PDE4D: variants seen among roughly 807,000 people sequenced by gnomAD.
The protein encoded by PDE4D is 3',5'-cyclic-AMP phosphodiesterase 4D.
Under a neutral mutation model 87.4 loss-of-function variants are expected in PDE4D, and 24 were observed. That is an observed-to-expected ratio of 0.27 (90% CI 0.20 to 0.39). The LOEUF (loss-of-function observed/expected upper bound fraction) is 0.39, where lower values mean the gene tolerates loss of function less well. PDE4D is among the 10% of genes least tolerant of loss of function. The pLI, the probability that PDE4D is intolerant of heterozygous loss-of-function variation, is 1.00. For missense variants in PDE4D, 714 were observed against 1,041.0 expected (o/e 0.69, Z 4.32); for synonymous variants, 384 against 383.2 (o/e 1.00, Z -0.02).
At chr5:60,444,045 T>G (rs969376380) in intron 1 of PDE4D, among the ~76,000 whole-genome samples, 2 of 150,416 alleles carry the variant, frequency 1.3e-5, no homozygotes, top group Non-Finnish European at 3.0e-5. Context: ...GTGTTAGGAC[T>G]CTGGTAGCTC....
At chr5:60,270,225 T>A (rs1050644595) in intron 1 of PDE4D, among the ~76,000 whole-genome samples, 2 of 152,186 alleles carry the variant, frequency 1.3e-5, no homozygotes, top group Admixed American at 1.3e-4. Flanking sequence ...ATGATCGAAC[T>A]GCTTCTTTTT....
chr5:59,297,106 A>G (rs912105569), intron 1 of PDE4D, among the ~76,000 whole-genome samples: 8 of 152,168 alleles, frequency 5.3e-5, no homozygotes, highest in African/African-American at 1.9e-4. Flanking sequence ...AGGGATCAAC[A>G]AAGATTGCAG....
chr5:59,199,990 GCATACATGCATGCAACATA>G (rs1337269144), intron 2 of PDE4D, among the ~76,000 whole-genome samples: 3 of 150,166 alleles, frequency 2.0e-5, no homozygotes, highest in African/African-American at 4.9e-5. Flanking sequence ...ATATACACAT[GCATACATGCATGCAACATA>G]CATACATGCA....
At position 59,702,077 on chromosome 5, in the gene PDE4D, C is replaced by T. The variant is rs143204507; in HGVS notation, c.455+191091G>A. Among the ~76,000 whole-genome samples the T allele has an allele frequency of 3.9e-5, 6 of 152,298 alleles. No homozygotes were observed. The East Asian group carries it at 1.2e-3, about 29-fold the overall frequency. ...AGAGGTTTTCATACATCAACAGCAA[C>T]ATCACCTGGAAACAATTTTTGATTA... On this transcript the variant is annotated intron_variant, in intron 1 of 14. Coordinates refer to ENST00000340635, the MANE Select transcript of PDE4D (RefSeq NM_001104631.2).
intron 1 of PDE4D, among the ~76,000 whole-genome samples, chr5:59,414,933 G>A (rs1247784209): frequency 6.6e-6 from 1 of 152,046 alleles, no homozygotes; most frequent in African/African-American, 2.4e-5. Context: ...TGGAAGTGAC[G>A]GGCAGTGAAG....
chr5:59,082,957 A>G (rs1767032624), intron 5 of PDE4D, among the ~76,000 whole-genome samples: 3 of 152,128 alleles, frequency 2.0e-5, no homozygotes, highest in African/African-American at 4.8e-5. Flanking sequence ...GTTGGTTCCA[A>G]TGCTCTTTGT....
At chr5:59,802,736 A>G (rs1388512887) in intron 1 of PDE4D, among the ~76,000 whole-genome samples, 2 of 152,026 alleles carry the variant, frequency 1.3e-5, no homozygotes, top group East Asian at 3.9e-4. Context: ...AATTCATTTT[A>G]TCAGTATGTA....
At chr5:59,104,037 AG>A (rs34141079) in intron 5 of PDE4D, among the ~76,000 whole-genome samples, 15,789 of 152,240 alleles carry the variant, frequency 0.1, 1,011 homozygotes, top group Admixed American at 0.16. Flanking sequence ...TATATGTTCG[AG>A]ACTATATAGA....
chr5:59,612,240 T>TTTGTTC (rs60260462), intron 1 of PDE4D, among the ~76,000 whole-genome samples: 1 of 103,806 alleles, frequency 9.6e-6, no homozygotes, highest in Non-Finnish European at 2.2e-5. Flanking sequence ...CTGTTTTTTT[T>TTTGTTC]GTTTGTTTGT....
intron 1 of PDE4D, among the ~76,000 whole-genome samples, chr5:60,257,224 G>A (rs200104321): frequency 1.4e-4 from 1 of 7,150 alleles, no homozygotes; most frequent in East Asian, 4.9e-3. Context: ...GAAAGAAAGA[G>A]AAAGAAAGAA....
At chr5:59,715,112 G>C (rs1327526226) in intron 1 of PDE4D, among the ~76,000 whole-genome samples, 1 of 152,380 alleles carries the variant, frequency 6.6e-6, no homozygotes, top group East Asian at 1.9e-4. Flanking sequence ...AGCATGGCAG[G>C]ACAGGCTACA....
chr5:59,386,557 G>T (rs911487391), intron 1 of PDE4D, among the ~76,000 whole-genome samples: 5 of 151,610 alleles, frequency 3.3e-5, no homozygotes, highest in African/African-American at 1.2e-4. Flanking sequence ...GCTCATGTCT[G>T]CAATCCCAGG....
chr5:59,026,305 G>A (rs938502330), intron 6 of PDE4D, among the ~76,000 whole-genome samples: 2 of 152,162 alleles, frequency 1.3e-5, no homozygotes, highest in African/African-American at 4.8e-5. Context: ...GAGATTAAGT[G>A]AGAAATGCTC....
intron 1 of PDE4D, among the ~76,000 whole-genome samples, chr5:60,319,339 G>C (rs1262531240): frequency 6.6e-6 from 1 of 152,088 alleles, no homozygotes; most frequent in Non-Finnish European, 1.5e-5. Context: ...CCTCCATCAG[G>C]TCCTTTAAGG....
intron 1 of PDE4D, among the ~76,000 whole-genome samples, chr5:59,558,136 A>T (rs1283695686): frequency 6.6e-6 from 1 of 152,186 alleles, no homozygotes; most frequent in Non-Finnish European, 1.5e-5. Context: ...CATCTACTAT[A>T]TATTAAGTGC....
intron 1 of PDE4D, among the ~76,000 whole-genome samples, chr5:59,678,154 T>C (rs1158193767): frequency 1.3e-5 from 2 of 152,224 alleles, no homozygotes; most frequent in African/African-American, 4.8e-5. Context: ...AAAAATGTCT[T>C]GGCTTGCTTT....
intron 3 of PDE4D, among the ~76,000 whole-genome samples, chr5:59,962,051 T>G (rs1759529306): frequency 6.6e-6 from 1 of 151,858 alleles, no homozygotes; most frequent in Non-Finnish European, 1.5e-5. Context: ...TTATCCTTAA[T>G]TTTTTTAGAT....
intron 1 of PDE4D, among the ~76,000 whole-genome samples, chr5:59,375,990 C>T (rs1245291221): frequency 3.9e-5 from 6 of 152,252 alleles, no homozygotes; most frequent in African/African-American, 1.4e-4. Context: ...TTCAAGATCG[C>T]TTCATGTTAA....
At chr5:59,864,716 A>T (rs1342966435) in intron 1 of PDE4D, among the ~76,000 whole-genome samples, 1 of 152,160 alleles carries the variant, frequency 6.6e-6, no homozygotes, top group Admixed American at 6.5e-5. Context: ...AACCCAACAG[A>T]CTGGCAGTAC....
Sources: allele counts gnomAD v4.1 joint callset (sites outside exome capture counted in the v4.1 genomes callset), GRCh38; gene constraint gnomAD v4.1.1; transcripts MANE v1.5; gene names NCBI Gene and HGNC (gene_info 2026-07-23, HGNC 2026-07-21).